Variants in MZT2A observed in about 807,000 individuals in gnomAD.
MZT2A encodes the protein mitotic spindle organizing protein 2A.
Under a neutral mutation model 12.4 loss-of-function variants are expected in MZT2A, and 8 were observed. The ratio of observed to expected loss-of-function variants is 0.64; its 90% CI spans 0.38 to 1.16. MZT2A has a LOEUF of 1.16. Among genes scored for constraint, MZT2A ranks in the 50% most tolerant of loss-of-function variants. The pLI is 0.01. For synonymous variants in MZT2A, 88 were observed against 107.5 expected (o/e 0.82, Z 1.12); for missense variants, 181 against 223.6 (o/e 0.81, Z 1.22).
At chr2:131,492,867 G>A (rs1292722886), upstream of MZT2A, 3 of 1,495,668 alleles carry the variant, frequency 2.0e-6, no homozygotes, top group Non-Finnish European at 2.7e-6. Flanking sequence ...GCCCTACCTT[G>A]GGGCGCCAGA....
intron 2 of MZT2A, chr2:131,476,335 A>G: frequency 1.3e-6 from 2 of 1,486,500 alleles, no homozygotes; most frequent in Non-Finnish European, 1.8e-6. Flanking sequence ...AGTGCGGGAC[A>G]GGAGGACACG....
intron 2 of MZT2A, chr2:131,476,289 G>A (rs1243567853): frequency 6.2e-7 from 1 of 1,603,044 alleles, no homozygotes; most frequent in Non-Finnish European, 8.5e-7. Flanking sequence ...TGCGGGCCTG[G>A]GCGCTGAGAG....
At chr2:131,491,715 C>T (rs1167531830) in intron 2 of MZT2A, 161 bp downstream of exon 2, 5 of 929,792 alleles carry the variant, frequency 5.4e-6, no homozygotes, top group Non-Finnish European at 7.8e-6. Context: ...GGCAGCGAAG[C>T]CCAGGAGCAG....
At chr2:131,472,025 C>T (rs1215429468) in intron 3 of MZT2A, 1 of 1,277,140 alleles carries the variant, frequency 7.8e-7, no homozygotes, top group South Asian at 1.3e-5. Context: ...CAAAACTCTG[C>T]AAAGCCTCTT....
chr2:131,473,755 G>C (rs1678545937), intron 2 of MZT2A, among the ~76,000 whole-genome samples: 1 of 146,424 alleles, frequency 6.8e-6, no homozygotes. Context: ...AAATAAAAAG[G>C]AAGAATCAGG....
rs550885507 is a variant in MZT2A at position 131,484,172 on chromosome 2, C to T, written c.366G>A (p.Ala122=). ...SAALGGVLAL[A]ERSNHEGSSQ... Reference sequence around the variant, plus strand: ...TGGATCCCTCGTGGTTGCTGCGTTCCGCCAGGGCCAATACTCCCCCGAGGG... The same window carrying T: ...TGGATCCCTCGTGGTTGCTGCGTTCTGCCAGGGCCAATACTCCCCCGAGGG... The change falls in exon 3 of 3, where the codon GCG becomes GCA. Residue 122 remains alanine, a synonymous_variant. Transcript: ENST00000309451. 6.7e-5 allele frequency: 108 copies of T among 1,614,102 alleles called. No individual in the cohort carries two copies. In the Middle Eastern group the frequency reaches 2.5e-3, roughly 37 times the overall value.
At chr2:131,493,193 G>C (rs1179968992), upstream of MZT2A, 12 of 1,397,116 alleles carry the variant, frequency 8.6e-6, no homozygotes, top group South Asian at 1.6e-5. Flanking sequence ...GGGGGCTTCC[G>C]CGAGCCCCTG....
At chr2:131,479,502 G>A (rs1272653136), downstream of MZT2A, 2 of 1,602,696 alleles carry the variant, frequency 1.2e-6, no homozygotes, top group Non-Finnish European at 1.7e-6. Context: ...CATGGGAGGG[G>A]TAGTTCTTGG....
At chr2:131,472,417 A>G (rs964969297) in intron 2 of MZT2A, among the ~76,000 whole-genome samples, 1 of 152,224 alleles carries the variant, frequency 6.6e-6, no homozygotes, top group Non-Finnish European at 1.5e-5. Context: ...TCCAAGGCTC[A>G]ATTTTTCTTT....
intron 2 of MZT2A, among the ~76,000 whole-genome samples, chr2:131,472,391 A>G (rs1411593087): frequency 1.3e-5 from 2 of 152,246 alleles, no homozygotes; most frequent in Admixed American, 1.3e-4. Context: ...CATAGCTTAC[A>G]GTAAAAATGG....
intron 2 of MZT2A, chr2:131,478,740 A>T (rs1678753656): frequency 2.9e-6 from 1 of 344,138 alleles, no homozygotes; most frequent in African/African-American, 2.1e-5. Flanking sequence ...GGTGCACTAG[A>T]GTCTTGACCT....
intron 2 of MZT2A, among the ~76,000 whole-genome samples, chr2:131,475,137 A>T (rs1559343697): frequency 1.3e-5 from 2 of 149,902 alleles, no homozygotes; most frequent in Admixed American, 6.7e-5. Flanking sequence ...ATTTTATTTT[A>T]TTTTTTTGTA....
upstream of MZT2A, chr2:131,492,786 GGGGT>G: frequency 2.2e-6 from 3 of 1,356,088 alleles, no homozygotes; most frequent in African/African-American, 1.5e-5. Flanking sequence ...CTCTTCGGGG[GGGGT>G]GGGGGGCACT....
At chr2:131,483,262 G>T (rs1678921203), downstream of MZT2A, among the ~76,000 whole-genome samples, 1 of 152,170 alleles carries the variant, frequency 6.6e-6, no homozygotes, top group African/African-American at 2.4e-5. Context: ...TGTGGATGGG[G>T]CTTGTCCATG....
Position 131,489,088 on chromosome 2 carries a change from G to A in MZT2A, c.319+2788C>T, listed in dbSNP as rs60477440. On this transcript the variant is annotated intron_variant, in intron 2 of 2. Coordinates refer to ENST00000309451, the MANE Select transcript of MZT2A (RefSeq NM_001085365.2). Reference sequence around the variant, plus strand: ...GCCCTCCCACTGCCCCAGCTCACACGTGTGGGGCTCTGCTGACCCTTCCTG... The same window carrying A: ...GCCCTCCCACTGCCCCAGCTCACACATGTGGGGCTCTGCTGACCCTTCCTG... Among the ~76,000 whole-genome samples, 3 of 151,388 alleles carry A rather than the reference G, an allele frequency of 2.0e-5. No individual in the cohort carries two copies. The South Asian group carries it at 6.2e-4, about 32-fold the overall frequency.
At chr2:131,477,984 T>G (rs1190288521) in intron 2 of MZT2A, among the ~76,000 whole-genome samples, 1 of 152,184 alleles carries the variant, frequency 6.6e-6, no homozygotes. Context: ...TAGTATGGTT[T>G]ACAGCAATTA....
chr2:131,486,344 C>T (rs1679049748), intron 2 of MZT2A: 1 of 165,866 alleles, frequency 6.0e-6, no homozygotes, highest in South Asian at 2.1e-4. Flanking sequence ...GGGCCAGCAT[C>T]CTCCTCTGAG....
intron 2 of MZT2A, among the ~76,000 whole-genome samples, chr2:131,485,284 G>A (rs1203904434): frequency 2.0e-5 from 3 of 152,280 alleles, no homozygotes; most frequent in Non-Finnish European, 4.4e-5. Context: ...TCAGCTACAT[G>A]TTCCCCCTGC....
At chr2:131,475,504 T>C (rs1678630446) in intron 2 of MZT2A, among the ~76,000 whole-genome samples, 1 of 151,782 alleles carries the variant, frequency 6.6e-6, no homozygotes, top group Non-Finnish European at 1.5e-5. Context: ...AATTTTTGTA[T>C]TTTTAGTAGA....
Sources: allele counts gnomAD v4.1 joint callset (sites outside exome capture counted in the v4.1 genomes callset), GRCh38; gene constraint gnomAD v4.1.1; transcripts MANE v1.5; gene names NCBI Gene and HGNC (gene_info 2026-07-23, HGNC 2026-07-21).